ZIC1: variants seen among roughly 807,000 people sequenced by gnomAD.
ZIC1 encodes zinc finger protein ZIC 1.
A neutral mutation model predicts 30.9 loss-of-function variants in ZIC1; 4 were observed. The observed-to-expected ratio is 0.13, with a 90% CI of 0.06 to 0.30. The LOEUF is 0.30. ZIC1 is among the 10% of genes least tolerant of loss of function. ZIC1 has a pLI of 1.00. For missense variants in ZIC1, 441 were observed against 639.3 expected (o/e 0.69, Z 3.34); for synonymous variants, 305 against 277.5 (o/e 1.10, Z -0.98).
At chr3:147,412,070 G>T (rs1455267226) in intron 1 of ZIC1, among the ~76,000 whole-genome samples, 1 of 152,078 alleles carries the variant, frequency 6.6e-6, no homozygotes, top group Non-Finnish European at 1.5e-5. Context: ...GTAGGGAGTG[G>T]GGTGGGTTGG....
In ZIC1 at chr3:147,410,882, C is replaced by T; in HGVS notation, c.770C>T (p.Thr257Ile). The T allele has an allele frequency of 6.2e-7, 1 of 1,614,280 alleles. No individual in the cohort carries two copies. Among genetic ancestry groups the T allele is most frequent in the Non-Finnish European group, 8.5e-7 (1 of 1,180,052 alleles). The change falls in exon 1 of 3, where the codon ACC (threonine) becomes ATC (isoleucine). Residue 257 changes from threonine (T) to isoleucine (I), a missense_variant. Physicochemically the swap from Thr to Ile is moderately conservative, Grantham distance 89 (BLOSUM62 -1). Transcript: ENST00000282928. Reference sequence around the variant, plus strand: ...ATGCACGAGCTAGTTACGCACGTCACCGTGGAGCACGTAGGTGGCCCGGAG... The same window carrying T: ...ATGCACGAGCTAGTTACGCACGTCATCGTGGAGCACGTAGGTGGCCCGGAG... ...STMHELVTHV[T>I]VEHVGGPEQS...
In ZIC1 at chr3:147,413,467, C is replaced by T; in HGVS notation, c.1260C>T (p.Ser420=). 2 of 1,614,206 alleles carry T rather than the reference C, an allele frequency of 1.2e-6. No homozygotes were observed. The highest frequency in any genetic ancestry group is 2.2e-5 in the East Asian group (1 of 44,872). ...VSPSTDNPTT[S]SLSPSSSAVH... ...CCTCCACAGACAACCCGACCACAAG[C>T]TCCTTATCGCCCTCCTCCTCCGCAG... The change falls in exon 3 of 3, where the codon AGC becomes AGT. Residue 420 remains serine (S), a synonymous_variant. Transcript: ENST00000282928.
chr3:147,413,873 C>T lies in ZIC1; in HGVS notation c.*322C>T, dbSNP rs1212179766. On this transcript the variant is annotated 3_prime_UTR_variant, in exon 3 of 3. Transcript: ENST00000282928. Reference sequence around the variant, plus strand: ...GTTTCTTGTCGAATTGGTACGGGCTCTCTGGGGCTTCGGCTTCTTTTTTTC... The same window carrying T: ...GTTTCTTGTCGAATTGGTACGGGCTTTCTGGGGCTTCGGCTTCTTTTTTTC... 4 of 234,880 alleles carry T rather than the reference C, an allele frequency of 1.7e-5. No homozygotes were observed. The highest frequency in any genetic ancestry group is 9.2e-5 in the East Asian group (1 of 10,824). 14.5% of individuals were successfully genotyped at this position (234,880 alleles called of 1,614,324 possible).
Position 147,415,698 on chromosome 3 carries a change from G to A in ZIC1, c.*2147G>A, listed in dbSNP as rs2087428177. On this transcript the variant is annotated 3_prime_UTR_variant, in exon 3 of 3. Transcript: ENST00000282928. The stretch of plus-strand genomic sequence containing the variant: ...AGCCACAGGCCATATTTGACTCTGA[G>A]AAAGAAAACAAGAGGAAAAACCCCA... The A allele has an allele frequency of 6.6e-6, 1 of 152,202 alleles. No homozygotes were observed. 9.4% of individuals were successfully genotyped at this position (152,202 alleles called of 1,614,324 possible). A position where few individuals can be genotyped will look rare whatever the true frequency, so the allele number is the denominator to read the frequency against.
rs1308099910 is a variant in ZIC1, at chr3:147,413,693, C to T, written c.*142C>T. On this transcript the variant is annotated 3_prime_UTR_variant, in exon 3 of 3. Coordinates refer to ENST00000282928, the MANE Select transcript of ZIC1 (RefSeq NM_003412.4). ...CTTTTTTAAAAAATCTGCCAATAGA[C>T]CCAGGACGAGTAAGAGAGGAAGCAT... The T allele has an allele frequency of 3.7e-5, 34 of 914,502 alleles. No homozygotes were observed. The highest frequency in any genetic ancestry group is 5.1e-5 in the Non-Finnish European group (33 of 641,400). 56.6% of individuals were successfully genotyped at this position (914,502 alleles called of 1,614,324 possible).
intron 2 of ZIC1, 104 bp downstream of exon 2, chr3:147,412,785 G>A (rs927782197): frequency 2.1e-6 from 3 of 1,431,276 alleles, no homozygotes; most frequent in Non-Finnish European, 2.9e-6. Context: ...GGAGCCAGAG[G>A]AAGCGGGAAG....
intron 2 of ZIC1, among the ~76,000 whole-genome samples, 159 bp downstream of exon 2, chr3:147,412,840 G>A (rs1376807182): frequency 6.6e-6 from 1 of 152,176 alleles, no homozygotes. Context: ...GGTAGGGCGG[G>A]ACCTGGAAAA....
In ZIC1 at chr3:147,410,328, G is replaced by T. The variant is rs2087357681; in HGVS notation, c.216G>T (p.Ala72=). 1.9e-6 allele frequency: 3 copies of T among 1,599,610 alleles called. No individual in the cohort carries two copies. The highest frequency in any genetic ancestry group is 1.7e-6 in the Non-Finnish European group (2 of 1,179,090). ...TAFTSQAPGY[A]AAAALGHHHH... is the part of the protein sequence containing the mutation. Reference sequence around the variant, plus strand: ...TCACGTCGCAGGCGCCAGGCTACGCGGCTGCTGCGGCCCTGGGCCATCACC... The same window carrying T: ...TCACGTCGCAGGCGCCAGGCTACGCTGCTGCTGCGGCCCTGGGCCATCACC... The change falls in exon 1 of 3, where the codon GCG becomes GCT. Residue 72 remains alanine, a synonymous_variant. Transcript: ENST00000282928.
chr3:147,412,873 G>C (rs187993623), intron 2 of ZIC1, among the ~76,000 whole-genome samples, 192 bp downstream of exon 2: 1 of 152,174 alleles, frequency 6.6e-6, no homozygotes, highest in East Asian at 1.9e-4. Context: ...GTCCAAGGCC[G>C]TTTTAAATTT....
rs1250489751 is a variant in ZIC1, at chr3:147,413,486, T to A, written c.1279T>A (p.Ser427Thr). 3 of 1,614,074 alleles carry A rather than the reference T, an allele frequency of 1.9e-6. No individual in the cohort carries two copies. The highest frequency in any genetic ancestry group is 2.2e-5 in the East Asian group (1 of 44,862). Residue 427 changes from serine (S) to threonine (T), a missense_variant, in exon 3 of 3, where the codon TCC becomes ACC. Transcript: ENST00000282928. Reference protein sequence around the residue: ...PTTSSLSPSSSAVHHTAGHSA... With the variant: ...PTTSSLSPSSTAVHHTAGHSA... ...CACAAGCTCCTTATCGCCCTCCTCC[T>A]CCGCAGTCCACCACACAGCCGGCCA...
At position 147,415,888 on chromosome 3, in the gene ZIC1, A is replaced by G. The variant is rs2087429671; in HGVS notation, c.*2337A>G. 1 of 152,238 alleles carries G rather than the reference A, an allele frequency of 6.6e-6. No individual in the cohort carries two copies. Among genetic ancestry groups the G allele is most frequent in the South Asian group, 2.1e-4 (1 of 4,832 alleles). The allele number at this position is 152,238 out of a possible 1,614,324, so 9.4% of individuals were successfully genotyped here. On this transcript the variant is annotated 3_prime_UTR_variant, in exon 3 of 3. Transcript: ENST00000282928. ...TTTATATTTGTCACTGTTTCAACAAAGTCTTATTTGCTGAGGAAGGACTTT... is the reference window on the plus strand; with the variant it reads ...TTTATATTTGTCACTGTTTCAACAAGGTCTTATTTGCTGAGGAAGGACTTT...
chr3:147,410,264 C>A lies in ZIC1; in HGVS notation c.152C>A (p.Pro51His). 1 of 1,600,908 alleles carries A rather than the reference C, an allele frequency of 6.2e-7. No homozygotes were observed. The highest frequency in any genetic ancestry group is 8.5e-7 in the Non-Finnish European group (1 of 1,179,682). ...GGCATGGGCGCCTTCAAGCTCAACC[C>A]CAGTTCGCACGAGCTGGCTTCGGCC... ...ADGMGAFKLN[P>H]SSHELASAGQ... is the part of the protein sequence containing the mutation. The change falls in exon 1 of 3, where the codon CCC becomes CAC. Residue 51 changes from proline to histidine, a missense_variant. Pro to His is a moderately conservative substitution (Grantham distance 77). This residue lies in a region of ZIC1 where 307 missense variants were observed against 355.3 expected (regional missense o/e 0.86). Transcript: ENST00000282928.
Position 147,411,214 on chromosome 3 carries a change from C to T in ZIC1, c.982+120C>T, listed in dbSNP as rs2087373748. 54 of 1,352,794 alleles carry T rather than the reference C, an allele frequency of 4.0e-5. No individual in the cohort carries two copies. In the South Asian group the frequency reaches 7.6e-4, roughly 19 times the overall value. The allele number at this position is 1,352,794 out of a possible 1,614,324, so 83.8% of individuals were successfully genotyped here. On this transcript the variant is annotated intron_variant, in intron 1 of 2. Transcript: ENST00000282928. Reference sequence around the variant, plus strand: ...TGGGATCCCGGGCGTCAGGTTCCGGCAGGCAGGCAGGGAAAGTGTGCGCTG... The same window carrying T: ...TGGGATCCCGGGCGTCAGGTTCCGGTAGGCAGGCAGGGAAAGTGTGCGCTG...
chr3:147,409,901 G>C lies in ZIC1; in HGVS notation c.-212G>C. ...GTTACTCGCGGCCCGCAGCCGTCCG[G>C]CTACTTTGCGTTTGGCCCGGCCAGC... On this transcript the variant is annotated 5_prime_UTR_variant, in exon 1 of 3. Coordinates refer to ENST00000282928, the MANE Select transcript of ZIC1 (RefSeq NM_003412.4). 1 of 542,000 alleles carries C rather than the reference G, an allele frequency of 1.8e-6. No homozygotes were observed. Among genetic ancestry groups the C allele is most frequent in the South Asian group, 2.8e-5 (1 of 35,300 alleles). 33.6% of individuals were successfully genotyped at this position (542,000 alleles called of 1,614,324 possible).
At position 147,414,955 on chromosome 3, in the gene ZIC1, C is replaced by T. The variant is rs1448377037; in HGVS notation, c.*1404C>T. ...GTTCCGCTGCCCCCTAGATTAAATT[C>T]CCCGGGCTGAAACTGAGTTGCAGAT... On this transcript the variant is annotated 3_prime_UTR_variant, in exon 3 of 3. Transcript: ENST00000282928. 4 of 152,564 alleles carry T rather than the reference C, an allele frequency of 2.6e-5. No homozygotes were observed. The highest frequency in any genetic ancestry group is 7.2e-5 in the African/African-American group (3 of 41,414). 9.5% of individuals were successfully genotyped at this position (152,564 alleles called of 1,614,324 possible).
intron 2 of ZIC1, among the ~76,000 whole-genome samples, chr3:147,412,909 A>G (rs1437841952): frequency 6.6e-6 from 1 of 152,222 alleles, no homozygotes; most frequent in Non-Finnish European, 1.5e-5. Context: ...AAGTTAAAAG[A>G]GGCGAGTATG....
Position 147,413,286 on chromosome 3 carries a change from C to T in ZIC1, c.1147-68C>T, listed in dbSNP as rs968991366. 5.2e-6 allele frequency: 8 copies of T among 1,546,876 alleles called. No homozygotes were observed. In the East Asian group the frequency reaches 9.0e-5, roughly 17 times the overall value. ...GTCCAGGAGGAAGGGCACTCGCGGCCTTCGCCTCTCTAGTCGGCCGCCGCA... is the reference window on the plus strand; with the variant it reads ...GTCCAGGAGGAAGGGCACTCGCGGCTTTCGCCTCTCTAGTCGGCCGCCGCA... On this transcript the variant is annotated intron_variant, in intron 2 of 2. Coordinates refer to ENST00000282928, the MANE Select transcript of ZIC1 (RefSeq NM_003412.4).
rs377227047 is a variant in ZIC1, at chr3:147,412,514, C to T, written c.983-4C>T. On this transcript the variant is annotated splice_region_variant and splice_polypyrimidine_tract_variant and intron_variant, in intron 1 of 2. Coordinates refer to ENST00000282928, the MANE Select transcript of ZIC1 (RefSeq NM_003412.4). ...AGACCCCTCTCATTCTACTTTGGCA[C>T]CAGGGGAGAAGCCCTTCAAGTGCGA... 43 of 1,613,802 alleles carry T rather than the reference C, an allele frequency of 2.7e-5. No individual in the cohort carries two copies. In the African/African-American group the frequency reaches 2.9e-4, roughly 11 times the overall value.
Position 147,410,556 on chromosome 3 carries a change from G to A in ZIC1, c.444G>A (p.Glu148=), listed in dbSNP as rs1325323273. 6.2e-7 allele frequency: 1 copy of A among 1,611,238 alleles called. No homozygotes were observed. The highest frequency in any genetic ancestry group is 1.7e-5 in the Admixed American group (1 of 59,922). The change falls in exon 1 of 3, where the codon GAG becomes GAA. Residue 148 remains glutamate, a synonymous_variant. Transcript: ENST00000282928. ...ACCTCCTCTTCCCCGGGCTTCACGA[G>A]CAGGCTGCCGGCCACGCGTCGCCTA... is the stretch of plus-strand genomic sequence containing the variant. ...AGHLLFPGLH[E]QAAGHASPNV...
Sources: gnomAD v4.1 joint callset for allele counts (sites outside exome capture counted in the v4.1 genomes callset) on GRCh38, gnomAD v4.1.1 for gene constraint, gnomAD v4.1.1 regional missense constraint, MANE v1.5 for transcripts, NCBI Gene and HGNC (gene_info 2026-07-23, HGNC 2026-07-21) for gene names.